EXOC2: variants seen among roughly 807,000 people sequenced by gnomAD.
EXOC2 encodes the protein exocyst complex component 2, also known as SEC5-like 1.
A neutral mutation model predicts 131.8 loss-of-function variants in EXOC2; 70 were observed. The ratio of observed to expected loss-of-function variants is 0.53; its 90% CI spans 0.44 to 0.65. The LOEUF is 0.65. EXOC2 is among the 30% of genes least tolerant of loss of function. The pLI, the probability that EXOC2 is intolerant of heterozygous loss-of-function variation, is 0.00. For missense variants in EXOC2, 923 were observed against 1,108.6 expected (o/e 0.83, Z 2.38); for synonymous variants, 411 against 398.4 (o/e 1.03, Z -0.38).
At chr6:539,034 C>T (rs538615307) in intron 22 of EXOC2, among the ~76,000 whole-genome samples, 41 of 149,488 alleles carry the variant, frequency 2.7e-4, no homozygotes, top group Non-Finnish European at 5.5e-4. Context: ...CACACCACTG[C>T]ACTACAGCCT....
At chr6:631,795 AT>A (rs1205477631) in intron 3 of EXOC2, among the ~76,000 whole-genome samples, 1 of 152,178 alleles carries the variant, frequency 6.6e-6, no homozygotes, top group East Asian at 1.9e-4. Context: ...AAAAATAGAA[AT>A]GTTATATATG....
At chr6:643,657 G>A (rs1762453503) in intron 1 of EXOC2, among the ~76,000 whole-genome samples, 1 of 151,646 alleles carries the variant, frequency 6.6e-6, no homozygotes, top group African/African-American at 2.4e-5. Flanking sequence ...AAAGTAAAGG[G>A]GAAGGAGGGC....
chr6:573,675 T>A (rs1211272441), intron 12 of EXOC2, among the ~76,000 whole-genome samples: 2 of 149,874 alleles, frequency 1.3e-5, no homozygotes, highest in Non-Finnish European at 1.5e-5. Context: ...ATTTCTTAAT[T>A]TTATTAAGAA....
At chr6:625,806 T>G (rs986474581) in intron 4 of EXOC2, among the ~76,000 whole-genome samples, 3 of 152,164 alleles carry the variant, frequency 2.0e-5, no homozygotes, top group Admixed American at 1.3e-4. Flanking sequence ...AAACAGACAC[T>G]AGTGGTGCAA....
chr6:579,376 A>G (rs1056032152), intron 11 of EXOC2, among the ~76,000 whole-genome samples: 1 of 152,198 alleles, frequency 6.6e-6, no homozygotes, highest in African/African-American at 2.4e-5. Flanking sequence ...AGTTTTCTAT[A>G]TCAGGAAAAC....
chr6:489,145 C>A, intron 26 of EXOC2, 107 bp from the exon 27 acceptor site: 4 of 985,540 alleles, frequency 4.1e-6, no homozygotes, highest in South Asian at 1.9e-5. Context: ...GCCAGTGAAG[C>A]AAGGAAATAT....
chr6:621,491 C>G (rs1027138587), intron 4 of EXOC2, among the ~76,000 whole-genome samples: 1 of 152,228 alleles, frequency 6.6e-6, no homozygotes. Context: ...ATGCCTACTG[C>G]GTGAGCATCT....
intron 1 of EXOC2, among the ~76,000 whole-genome samples, chr6:661,325 T>C (rs1201552): frequency 0.092 from 14,001 of 152,148 alleles, 736 homozygotes; most frequent in Admixed American, 0.13. Context: ...GATCATCACC[T>C]AGGCACACTG....
chr6:550,089 ACCGAGG>A (rs1757066147), intron 21 of EXOC2, among the ~76,000 whole-genome samples: 1 of 152,256 alleles, frequency 6.6e-6, no homozygotes, highest in African/African-American at 2.4e-5. Context: ...GGTGCGGTTC[ACCGAGG>A]CACCCAACCT....
At chr6:651,424 C>T (rs759506296) in intron 1 of EXOC2, among the ~76,000 whole-genome samples, 31 of 151,844 alleles carry the variant, frequency 2.0e-4, no homozygotes, top group Non-Finnish European at 2.8e-4. Context: ...GAGGCTGAGG[C>T]GGGCAGATAA....
intron 9 of EXOC2, among the ~76,000 whole-genome samples, 171 bp downstream of exon 9, chr6:598,689 T>C (rs1011532761): frequency 6.6e-6 from 1 of 152,214 alleles, no homozygotes; most frequent in Non-Finnish European, 1.5e-5. Context: ...TTTCACTGCG[T>C]ATCAAATAAG....
intron 22 of EXOC2, among the ~76,000 whole-genome samples, chr6:539,431 C>CTTCTTA (rs1172101390): frequency 1.3e-5 from 2 of 152,218 alleles, no homozygotes; most frequent in East Asian, 3.9e-4. Flanking sequence ...AATAAGCCAC[C>CTTCTTA]GCCCTGCCTT....
intron 11 of EXOC2, 117 bp downstream of exon 11, chr6:592,352 C>A: frequency 1.2e-6 from 1 of 865,528 alleles, no homozygotes. Flanking sequence ...AAGCAAAAGA[C>A]AATAATAAGA....
intron 7 of EXOC2, among the ~76,000 whole-genome samples, chr6:603,682 C>A (rs971127885): frequency 1.3e-5 from 2 of 151,866 alleles, no homozygotes; most frequent in Non-Finnish European, 2.9e-5. Flanking sequence ...AGTTTCTTTT[C>A]CACATCCTGG....
intron 6 of EXOC2, among the ~76,000 whole-genome samples, chr6:616,121 A>G (rs1760985180): frequency 6.6e-6 from 1 of 152,214 alleles, no homozygotes; most frequent in African/African-American, 2.4e-5. Context: ...TTCCTAGTCT[A>G]CATAGTCCAC....
rs370582598 is a variant in EXOC2 at position 617,919 on chromosome 6, T to A, written c.537-84A>T. On this transcript the variant is annotated intron_variant, in intron 5 of 27. Transcript: ENST00000230449. ...AATTCCTTCAGTGGAGAACACTAAA[T>A]ATGCTAAAACCGATGCTAAGTAGCA... The A allele has an allele frequency of 5.5e-5, 82 of 1,485,502 alleles. 1 individual carries two copies. Among genetic ancestry groups the A allele is most frequent in the East Asian group, 4.0e-4 (17 of 42,268 alleles). 92.0% of individuals were successfully genotyped at this position (1,485,502 alleles called of 1,614,324 possible). A position where few individuals can be genotyped will look rare whatever the true frequency, so the allele number is the denominator to read the frequency against.
Position 556,418 on chromosome 6 carries a change from A to G in EXOC2, c.1932+66T>C, listed in dbSNP as rs546146605. 372 of 1,543,356 alleles carry G rather than the reference A, an allele frequency of 2.4e-4. 1 individual carries two copies. The African/African-American group carries it at 4.4e-3, about 18-fold the overall frequency. On this transcript the variant is annotated intron_variant, in intron 18 of 27. Coordinates refer to ENST00000230449, the MANE Select transcript of EXOC2 (RefSeq NM_018303.6). ...AGATCTTGCAGTACGATGAGTCAAA[A>G]ATTTACAACTATGATTCCCAAGGCT...
At chr6:501,204 ATATATATAT>A (rs1764091823) in intron 23 of EXOC2, among the ~76,000 whole-genome samples, 2 of 17,792 alleles carry the variant, frequency 1.1e-4, no homozygotes, top group African/African-American at 2.4e-4. Flanking sequence ...TATATATATT[ATATATATAT>A]TATATATATC....
At chr6:532,707 C>G in intron 22 of EXOC2, 97 bp from the exon 23 acceptor site, 1 of 1,184,974 alleles carries the variant, frequency 8.4e-7, no homozygotes, top group Non-Finnish European at 1.1e-6. Flanking sequence ...ATAATAAAAG[C>G]ACTTCTCAAT....
Sources: gnomAD v4.1 joint callset for allele counts (sites outside exome capture counted in the v4.1 genomes callset) on GRCh38, gnomAD v4.1.1 for gene constraint, MANE v1.5 for transcripts, NCBI Gene and HGNC (gene_info 2026-07-23, HGNC 2026-07-21) for gene names.